The following SH3GL2 variants were observed in gnomAD, a reference collection of about 807,000 sequenced individuals.
SH3GL2 encodes the protein endophilin-A1.
Under a neutral mutation model 46.0 loss-of-function variants are expected in SH3GL2, and 24 were observed. That is an observed-to-expected ratio of 0.52 (90% confidence interval 0.38 to 0.73). SH3GL2 has a LOEUF of 0.73. SH3GL2 is among the 30% of genes least tolerant of loss of function. SH3GL2 has a pLI of 0.00. For missense variants in SH3GL2, 413 were observed against 424.2 expected, an observed-to-expected ratio of 0.97 and a Z score of 0.23; for synonymous variants, 196 against 147.1, an observed-to-expected ratio of 1.33 and a Z score of -2.40.
At chr9:17,739,823 G>A (rs1051326744) in intron 1 of SH3GL2, among the ~76,000 whole-genome samples, 1 of 151,978 alleles carries the variant, frequency 6.6e-6, no homozygotes, top group Non-Finnish European at 1.5e-5. Flanking sequence ...ATAGTCTATG[G>A]GAATTTTTCA....
chr9:17,651,786 G>A (rs1046558870), intron 1 of SH3GL2, among the ~76,000 whole-genome samples: 1 of 151,920 alleles, frequency 6.6e-6, no homozygotes, highest in Non-Finnish European at 1.5e-5. Flanking sequence ...CTTTAGTATT[G>A]ATATTGCTTA....
At chr9:17,639,534 GT>G (rs1292203171) in intron 1 of SH3GL2, among the ~76,000 whole-genome samples, 2 of 152,224 alleles carry the variant, frequency 1.3e-5, no homozygotes, top group Non-Finnish European at 2.9e-5. Context: ...CCAAATGCTG[GT>G]GACGATGTGG....
At chr9:17,716,924 A>C (rs888987900) in intron 1 of SH3GL2, among the ~76,000 whole-genome samples, 12 of 152,124 alleles carry the variant, frequency 7.9e-5, no homozygotes, top group Admixed American at 2.0e-4. Context: ...GTTGTTTCTT[A>C]TATAGATAGA....
At chr9:17,735,203 C>T (rs983291627) in intron 1 of SH3GL2, among the ~76,000 whole-genome samples, 2 of 152,102 alleles carry the variant, frequency 1.3e-5, no homozygotes, top group Non-Finnish European at 1.5e-5. Flanking sequence ...CTGGTATTCA[C>T]TACCTACCAC....
intron 1 of SH3GL2, among the ~76,000 whole-genome samples, chr9:17,699,765 A>G (rs1331131819): frequency 2.6e-5 from 4 of 152,258 alleles, no homozygotes; most frequent in Non-Finnish European, 5.9e-5. Flanking sequence ...TACATAATAT[A>G]TCATTGATGG....
chr9:17,738,865 C>T (rs1822440734), intron 1 of SH3GL2, among the ~76,000 whole-genome samples: 1 of 151,970 alleles, frequency 6.6e-6, no homozygotes, highest in African/African-American at 2.4e-5. Context: ...GGCCCACCCA[C>T]ATTATGAAGG....
intron 1 of SH3GL2, among the ~76,000 whole-genome samples, chr9:17,701,371 C>T (rs1345301527): frequency 6.6e-6 from 1 of 152,052 alleles, no homozygotes; most frequent in Non-Finnish European, 1.5e-5. Context: ...ACCTGAGCTG[C>T]TTCAGGAGGA....
At chr9:17,638,016 G>T (rs1012410651) in intron 1 of SH3GL2, among the ~76,000 whole-genome samples, 14 of 152,174 alleles carry the variant, frequency 9.2e-5, no homozygotes, top group African/African-American at 2.7e-4. Flanking sequence ...AATTAGCCGG[G>T]CATGGTGGCA....
chr9:17,709,958 C>T (rs1458708021), intron 1 of SH3GL2, among the ~76,000 whole-genome samples: 2 of 151,732 alleles, frequency 1.3e-5, no homozygotes, highest in Non-Finnish European at 2.9e-5. Flanking sequence ...AGGGCAGTAC[C>T]CCTAGAGGCC....
intron 5 of SH3GL2, among the ~76,000 whole-genome samples, chr9:17,789,027 G>C (rs1254497631): frequency 6.6e-6 from 1 of 152,214 alleles, no homozygotes; most frequent in Non-Finnish European, 1.5e-5. Context: ...GACAGGGCCT[G>C]TGGGGCCTGT....
chr9:17,710,354 GGT>G (rs1821585891), intron 1 of SH3GL2, among the ~76,000 whole-genome samples: 1 of 151,794 alleles, frequency 6.6e-6, no homozygotes, highest in Non-Finnish European at 1.5e-5. Flanking sequence ...TCCAGTCTTG[GGT>G]ATGTCCTTAT....
intron 1 of SH3GL2, among the ~76,000 whole-genome samples, chr9:17,660,381 C>G (rs1212065373): frequency 6.6e-6 from 1 of 152,178 alleles, no homozygotes. Context: ...AGAACTGCTG[C>G]TGCCTACAGC....
intron 1 of SH3GL2, among the ~76,000 whole-genome samples, chr9:17,699,145 C>A: frequency 1.9e-5 from 2 of 103,408 alleles, no homozygotes; most frequent in Non-Finnish European, 1.8e-5. Flanking sequence ...CAGAGTGAGA[C>A]TCTGTCTCAA....
At chr9:17,594,760 G>A (rs1818541593) in intron 1 of SH3GL2, among the ~76,000 whole-genome samples, 1 of 152,112 alleles carries the variant, frequency 6.6e-6, no homozygotes, top group South Asian at 2.1e-4. Flanking sequence ...ATAAAGAGAA[G>A]GACCCTGCCA....
chr9:17,704,275 C>T (rs945323776), intron 1 of SH3GL2, among the ~76,000 whole-genome samples: 3 of 151,962 alleles, frequency 2.0e-5, no homozygotes, highest in Non-Finnish European at 4.4e-5. Context: ...CAAAACACTG[C>T]TCAAAGAAAT....
intron 1 of SH3GL2, among the ~76,000 whole-genome samples, chr9:17,742,864 A>G (rs1266778829): frequency 6.6e-6 from 1 of 151,828 alleles, no homozygotes; most frequent in South Asian, 2.1e-4. Context: ...AGTTTTTTGG[A>G]TGATACAGGG....
chr9:17,619,802 A>C (rs1375817864), intron 1 of SH3GL2, among the ~76,000 whole-genome samples: 1 of 152,242 alleles, frequency 6.6e-6, no homozygotes, highest in African/African-American at 2.4e-5. Context: ...ATTTATGTAT[A>C]AATACTTATC....
Position 17,750,882 on chromosome 9 carries a change from A to G in SH3GL2, c.114+3748A>G, listed in dbSNP as rs550558728. Among the ~76,000 whole-genome samples the G allele has an allele frequency of 2.0e-5, 3 of 152,274 alleles. No individual in the cohort carries two copies. The South Asian group carries it at 6.2e-4, about 32-fold the overall frequency. ...GGCTTCCAGTTTTGATTTTTAAAAAATTGTACGTAAATCAGTACCTTACAG... is the reference window on the plus strand; with the variant it reads ...GGCTTCCAGTTTTGATTTTTAAAAAGTTGTACGTAAATCAGTACCTTACAG... On this transcript the variant is annotated intron_variant, in intron 2 of 8. Coordinates refer to ENST00000380607, the MANE Select transcript of SH3GL2 (RefSeq NM_003026.5).
intron 1 of SH3GL2, among the ~76,000 whole-genome samples, chr9:17,741,463 C>T (rs950286379): frequency 6.6e-6 from 1 of 152,122 alleles, no homozygotes; most frequent in Admixed American, 6.6e-5. Context: ...ATAGAATTTT[C>T]TTTAGCCTTG....
Sources: gnomAD v4.1 joint callset for allele counts (sites outside exome capture counted in the v4.1 genomes callset) on GRCh38, gnomAD v4.1.1 for gene constraint, MANE v1.5 for transcripts, NCBI Gene and HGNC (gene_info 2026-07-23, HGNC 2026-07-21) for gene names.